KANK1: variants seen among roughly 807,000 people sequenced by gnomAD.
KANK1 encodes the protein KN motif and ankyrin repeat domain-containing protein 1.
In KANK1, 109 loss-of-function variants were observed where a neutral mutation model predicts 106.2. The observed-to-expected ratio is 1.03, with a 90% CI of 0.88 to 1.20. KANK1 has a LOEUF of 1.20. Ranked by LOEUF, KANK1 falls within the 50% of genes most tolerant of loss-of-function variation. The pLI is 0.00. For synonymous variants in KANK1, 873 were observed against 652.2 expected (o/e 1.34, Z -5.16); for missense variants, 2,399 against 1,710.7 (o/e 1.40, Z -7.10).
chr9:567,270 G>A (rs1587875807), intron 1 of KANK1, among the ~76,000 whole-genome samples: 1 of 152,200 alleles, frequency 6.6e-6, no homozygotes, highest in Non-Finnish European at 1.5e-5. Context: ...TTGAAGTTGG[G>A]TAGTGTAATG....
intron 1 of KANK1, among the ~76,000 whole-genome samples, chr9:628,181 T>C (rs1270888377): frequency 2.0e-5 from 3 of 152,190 alleles, no homozygotes; most frequent in Non-Finnish European, 4.4e-5. Flanking sequence ...CGAAAACAAG[T>C]GGACGGAGCT....
At chr9:619,438 C>T (rs187007211) in intron 1 of KANK1, among the ~76,000 whole-genome samples, 4 of 152,222 alleles carry the variant, frequency 2.6e-5, no homozygotes, top group East Asian at 3.9e-4. Flanking sequence ...CTTTGCCTAT[C>T]GTCAGATTTG....
Position 606,142 on chromosome 9 carries a change from T to TACACAC in KANK1, c.-83-70713_-83-70708dup, listed in dbSNP as rs3028170. On this transcript the variant is annotated intron_variant, in intron 1 of 11. Coordinates refer to ENST00000382297, the MANE Select transcript of KANK1 (RefSeq NM_015158.5). The stretch of plus-strand genomic sequence containing the variant: ...TATAGCATTGAATTACACATATTCC[T>TACACAC]ACACACACACACACACACACACACA... 8.1e-3 allele frequency among the ~76,000 whole-genome samples: 1,141 copies of TACACAC among 141,732 alleles called. 32 individuals carry two copies. The highest frequency in any genetic ancestry group is 0.028 in the African/African-American group (1,002 of 36,178). 93.0% of individuals were successfully genotyped at this position (141,732 alleles called of 152,430 possible).
intron 2 of KANK1, chr9:693,370 A>T: frequency 1.0e-6 from 1 of 985,076 alleles, no homozygotes; most frequent in Non-Finnish European, 1.2e-6. Flanking sequence ...AAGAGGGAGT[A>T]AGTCAGCACA....
intron 1 of KANK1, among the ~76,000 whole-genome samples, chr9:565,583 A>T (rs1450729496): frequency 6.6e-6 from 1 of 152,084 alleles, no homozygotes; most frequent in Non-Finnish European, 1.5e-5. Context: ...TATAGAATGG[A>T]TGTTGCTGAT....
chr9:547,218 G>C (rs1481092127), intron 1 of KANK1: 1 of 152,196 alleles, frequency 6.6e-6, no homozygotes, highest in Non-Finnish European at 1.5e-5. Context: ...TGCTGGCTAA[G>C]TTTTGTGAGC....
chr9:734,815 G>A lies in KANK1; in HGVS notation c.3313G>A (p.Ala1105Thr). 2 of 1,613,096 alleles carry A rather than the reference G, an allele frequency of 1.2e-6. No homozygotes were observed. The highest frequency in any genetic ancestry group is 1.7e-6 in the Non-Finnish European group (2 of 1,179,042). ...GAAAAATACTATAAATGACCCCAAA[G>A]CTTTGACCAGCAAAGATATGGTGAG... Reference protein sequence around the residue: ...LLKNTINDPKALTSKDMRFCL... With the variant: ...LLKNTINDPKTLTSKDMRFCL... Residue 1105 changes from alanine (A) to threonine (T), a missense_variant, in exon 7 of 12, where the codon GCT (alanine) becomes ACT (threonine). Transcript: ENST00000382297.
At chr9:628,476 A>G (rs745772932) in intron 1 of KANK1, among the ~76,000 whole-genome samples, 1 of 152,202 alleles carries the variant, frequency 6.6e-6, no homozygotes, top group Non-Finnish European at 1.5e-5. Context: ...ATCAGTATAC[A>G]TCTTAAAGTT....
chr9:576,268 A>G (rs1030650563), intron 1 of KANK1, among the ~76,000 whole-genome samples: 1 of 152,184 alleles, frequency 6.6e-6, no homozygotes, highest in African/African-American at 2.4e-5. Context: ...ATGAGTTTAA[A>G]TGCTCAGGGC....
intron 1 of KANK1, among the ~76,000 whole-genome samples, chr9:554,873 G>C (rs887424952): frequency 2.0e-5 from 3 of 152,186 alleles, no homozygotes; most frequent in Non-Finnish European, 4.4e-5. Context: ...TCGTGGCAAG[G>C]TTATCTTGGG....
chr9:620,287 G>T, intron 1 of KANK1, among the ~76,000 whole-genome samples: 1 of 152,038 alleles, frequency 6.6e-6, no homozygotes, highest in East Asian at 1.9e-4. Context: ...TTCCCACCCT[G>T]TCTTGGAATA....
chr9:586,261 A>G (rs1823436718), intron 1 of KANK1, among the ~76,000 whole-genome samples: 1 of 152,200 alleles, frequency 6.6e-6, no homozygotes, highest in African/African-American at 2.4e-5. Flanking sequence ...GAGAATGTTG[A>G]GACCAGTTCT....
chr9:522,145 T>C (rs2059582975), intron 1 of KANK1, among the ~76,000 whole-genome samples: 1 of 151,852 alleles, frequency 6.6e-6, no homozygotes, highest in African/African-American at 2.4e-5. Context: ...TATATCCCAC[T>C]GTTAAAAAGA....
chr9:735,691 A>G (rs1038739939), intron 7 of KANK1: 2 of 390,108 alleles, frequency 5.1e-6, no homozygotes, highest in African/African-American at 2.0e-5. Context: ...AATCATTTCT[A>G]TATCATAATA....
At chr9:638,102 G>A (rs947271183) in intron 1 of KANK1, among the ~76,000 whole-genome samples, 1 of 152,192 alleles carries the variant, frequency 6.6e-6, no homozygotes, top group Non-Finnish European at 1.5e-5. Flanking sequence ...AACTATTAGA[G>A]AAACTGAAAT....
At chr9:655,312 G>A (rs1034150963) in intron 1 of KANK1, among the ~76,000 whole-genome samples, 5 of 150,984 alleles carry the variant, frequency 3.3e-5, no homozygotes, top group Non-Finnish European at 5.9e-5. Context: ...CAGAGGTTGC[G>A]GTGAGTGGAG....
At chr9:734,121 A>C (rs1316268310) in intron 6 of KANK1, 1 of 151,384 alleles carries the variant, frequency 6.6e-6, no homozygotes, top group Non-Finnish European at 1.5e-5. Context: ...AAAAAAAAAA[A>C]AAAAAAAAAA....
At chr9:596,898 C>T (rs139456793) in intron 1 of KANK1, among the ~76,000 whole-genome samples, 195 of 151,892 alleles carry the variant, frequency 1.3e-3, no homozygotes, top group South Asian at 3.7e-3. Flanking sequence ...CAGTAACACA[C>T]TATTCTCTCC....
chr9:553,938 C>T (rs2061425615), intron 1 of KANK1, among the ~76,000 whole-genome samples: 1 of 152,098 alleles, frequency 6.6e-6, no homozygotes, highest in African/African-American at 2.4e-5. Context: ...CATTTGGGTC[C>T]TCTGGAGCAT....
Sources: gnomAD v4.1 joint callset for allele counts (sites outside exome capture counted in the v4.1 genomes callset) on GRCh38, gnomAD v4.1.1 for gene constraint, MANE v1.5 for transcripts, NCBI Gene and HGNC (gene_info 2026-07-23, HGNC 2026-07-21) for gene names.